ZNF804A: variants seen among roughly 807,000 people sequenced by gnomAD.
ZNF804A encodes the protein zinc finger protein 804A.
In ZNF804A, 2 loss-of-function variants were observed where a neutral mutation model predicts 16.5. The ratio of observed to expected loss-of-function variants is 0.12; its 90% CI spans 0.05 to 0.38. The LOEUF is 0.38. Ranked by LOEUF, ZNF804A falls within the 10% of genes least tolerant of loss-of-function variation. The pLI is 0.99. For synonymous variants in ZNF804A, 534 were observed against 489.6 expected (o/e 1.09, Z -1.20); for missense variants, 1,473 against 1,390.7 (o/e 1.06, Z -0.94).
intron 1 of ZNF804A, among the ~76,000 whole-genome samples, chr2:184,746,608 A>G (rs1693793666): frequency 6.6e-6 from 1 of 151,404 alleles, no homozygotes; most frequent in Non-Finnish European, 1.5e-5. Flanking sequence ...GTTGACTGTA[A>G]TCACTCTGTT....
At chr2:184,658,727 G>T (rs1328099598) in intron 1 of ZNF804A, among the ~76,000 whole-genome samples, 1 of 152,098 alleles carries the variant, frequency 6.6e-6, no homozygotes, top group African/African-American at 2.4e-5. Flanking sequence ...GAAAGTTAAT[G>T]CTCTTCAAGT....
chr2:184,618,865 C>T (rs554807266), intron 1 of ZNF804A, among the ~76,000 whole-genome samples: 23 of 152,100 alleles, frequency 1.5e-4, no homozygotes, highest in African/African-American at 4.3e-4. Flanking sequence ...TTGCAGTACA[C>T]GTTTATAGAG....
chr2:184,604,655 A>G (rs1691112450), intron 1 of ZNF804A, among the ~76,000 whole-genome samples: 1 of 152,176 alleles, frequency 6.6e-6, no homozygotes, highest in Non-Finnish European at 1.5e-5. Flanking sequence ...TCCACTGTCT[A>G]CGCTACATTC....
intron 1 of ZNF804A, among the ~76,000 whole-genome samples, chr2:184,615,248 A>G (rs551926185): frequency 2.0e-5 from 3 of 152,350 alleles, no homozygotes; most frequent in South Asian, 2.1e-4. Context: ...GATATGGATG[A>G]AGCTGGAAAC....
intron 3 of ZNF804A, among the ~76,000 whole-genome samples, chr2:184,934,175 G>T (rs2105842814): frequency 6.6e-6 from 1 of 152,146 alleles, no homozygotes; most frequent in South Asian, 2.1e-4. Context: ...AAAAGGATAA[G>T]AATTTTGCTT....
At chr2:184,900,357 A>C (rs1685159041) in intron 2 of ZNF804A, among the ~76,000 whole-genome samples, 1 of 152,122 alleles carries the variant, frequency 6.6e-6, no homozygotes, top group Admixed American at 6.6e-5. Context: ...GCTACATATA[A>C]ATCCCTGAAT....
intron 1 of ZNF804A, among the ~76,000 whole-genome samples, chr2:184,850,387 T>C (rs1008516265): frequency 1.7e-4 from 26 of 151,838 alleles, no homozygotes; most frequent in African/African-American, 6.3e-4. Flanking sequence ...TACATGAAGC[T>C]GCTGGAAACT....
At chr2:184,653,507 C>A (rs1196452486) in intron 1 of ZNF804A, among the ~76,000 whole-genome samples, 1 of 152,156 alleles carries the variant, frequency 6.6e-6, no homozygotes, top group Admixed American at 6.5e-5. Flanking sequence ...CATTAAAAAG[C>A]TTTAGAGCAG....
At chr2:184,687,123 T>C (rs1692649346) in intron 1 of ZNF804A, among the ~76,000 whole-genome samples, 1 of 152,224 alleles carries the variant, frequency 6.6e-6, no homozygotes. Context: ...GGATATTTTG[T>C]AGGTTTGCTT....
At chr2:184,882,576 T>C (rs1684825602) in intron 2 of ZNF804A, among the ~76,000 whole-genome samples, 1 of 151,830 alleles carries the variant, frequency 6.6e-6, no homozygotes, top group African/African-American at 2.4e-5. Flanking sequence ...AAAATAATAA[T>C]AAATTGAACC....
chr2:184,844,005 A>G (rs1180117672), intron 1 of ZNF804A, among the ~76,000 whole-genome samples: 1 of 151,946 alleles, frequency 6.6e-6, no homozygotes, highest in Non-Finnish European at 1.5e-5. Context: ...CAATTAAATG[A>G]TTCAATTTTA....
chr2:184,765,753 G>A (rs867444907), intron 1 of ZNF804A, among the ~76,000 whole-genome samples: 1 of 151,864 alleles, frequency 6.6e-6, no homozygotes, highest in African/African-American at 2.4e-5. Context: ...TTTTGTATAC[G>A]GCTCGTCCTG....
At chr2:184,617,216 A>G (rs1434302605) in intron 1 of ZNF804A, among the ~76,000 whole-genome samples, 2 of 152,154 alleles carry the variant, frequency 1.3e-5, no homozygotes, top group Admixed American at 1.3e-4. Context: ...TGTAAGCACA[A>G]TAAATCTAGT....
At chr2:184,730,038 A>G (rs1039785447) in intron 1 of ZNF804A, among the ~76,000 whole-genome samples, 7 of 152,148 alleles carry the variant, frequency 4.6e-5, no homozygotes, top group African/African-American at 1.7e-4. Context: ...TATTAATATA[A>G]CTACTAATAT....
chr2:184,837,169 TTA>T (rs1695363695), intron 1 of ZNF804A, among the ~76,000 whole-genome samples: 1 of 152,102 alleles, frequency 6.6e-6, no homozygotes, highest in Admixed American at 6.6e-5. Flanking sequence ...CAGCATCTAT[TTA>T]TATGAGTATC....
chr2:184,937,972 C>G lies in ZNF804A; in HGVS notation c.2576C>G (p.Pro859Arg), dbSNP rs752913709. 1.3e-5 allele frequency: 21 copies of G among 1,613,812 alleles called. No individual in the cohort carries two copies. In the Admixed American group the frequency reaches 3.5e-4, roughly 27 times the overall value. The change falls in exon 4 of 4, where the codon CCA becomes CGA. Residue 859 changes from proline (P) to arginine (R), a missense_variant. Coordinates refer to ENST00000302277, the MANE Select transcript of ZNF804A (RefSeq NM_194250.2). ...ISEDKKEKMKPQEVAKIERNS... is the reference protein window; with the variant it reads ...ISEDKKEKMKRQEVAKIERNS... ...GAAGACAAAAAAGAGAAAATGAAACCACAAGAAGTTGCAAAAATCGAAAGG... is the reference window on the plus strand; with the variant it reads ...GAAGACAAAAAAGAGAAAATGAAACGACAAGAAGTTGCAAAAATCGAAAGG...
chr2:184,934,744 AC>A (rs1319191176), intron 3 of ZNF804A, among the ~76,000 whole-genome samples: 1 of 152,136 alleles, frequency 6.6e-6, no homozygotes, highest in Non-Finnish European at 1.5e-5. Context: ...AATGATATAC[AC>A]AAAAAGCAAT....
intron 1 of ZNF804A, among the ~76,000 whole-genome samples, chr2:184,698,608 TAATC>T (rs1282065580): frequency 3.3e-5 from 5 of 152,052 alleles, no homozygotes; most frequent in Admixed American, 6.6e-5. Flanking sequence ...GAAACTGGCT[TAATC>T]AGAGAGGGAA....
In ZNF804A at chr2:184,935,902, C is replaced by T. The variant is rs1685776454; in HGVS notation, c.506C>T (p.Thr169Ile). Residue 169 changes from threonine (T) to isoleucine (I), a missense_variant, in exon 4 of 4, where the codon ACT becomes ATT. Coordinates refer to ENST00000302277, the MANE Select transcript of ZNF804A (RefSeq NM_194250.2). ...SVNNQQDFKY[T>I]LIHSEENTKD... ...AATAACCAGCAAGATTTCAAATATA[C>T]TTTGATTCATAGTGAAGAGAATACT... 6.2e-7 allele frequency: 1 copy of T among 1,613,898 alleles called. No individual in the cohort carries two copies. Among genetic ancestry groups the T allele is most frequent in the East Asian group, 2.2e-5 (1 of 44,846 alleles).
Sources: gnomAD v4.1 joint callset for allele counts (sites outside exome capture counted in the v4.1 genomes callset) on GRCh38, gnomAD v4.1.1 for gene constraint, MANE v1.5 for transcripts, NCBI Gene and HGNC (gene_info 2026-07-23, HGNC 2026-07-21) for gene names.